RHBDL3: variants seen among roughly 807,000 people sequenced by gnomAD.
RHBDL3 encodes the protein rhomboid-related protein 3.
Under a neutral mutation model 48.2 loss-of-function variants are expected in RHBDL3, and 28 were observed. The observed-to-expected ratio is 0.58, with a 90% CI of 0.43 to 0.80. The LOEUF (loss-of-function observed/expected upper bound fraction) is 0.80, where lower values mean the gene tolerates loss of function less well. Among genes scored for constraint, RHBDL3 ranks in the 30% least tolerant of loss-of-function variants. The pLI is 0.00. For synonymous variants in RHBDL3, 208 were observed against 232.3 expected (o/e 0.90, Z 0.95); for missense variants, 464 against 542.7 (o/e 0.85, Z 1.44).
intron 4 of RHBDL3, among the ~76,000 whole-genome samples, chr17:32,293,432 A>T (rs1310216128): frequency 1.3e-5 from 2 of 152,154 alleles, no homozygotes; most frequent in Non-Finnish European, 1.5e-5. Context: ...AAATTCAAAA[A>T]TCAGCCAGGT....
intron 2 of RHBDL3, among the ~76,000 whole-genome samples, chr17:32,276,620 TGCACCATACTTCAGCCCTA>T (rs2039905009): frequency 1.3e-5 from 2 of 151,986 alleles, no homozygotes; most frequent in South Asian, 4.1e-4. Flanking sequence ...GACAGCTGCC[TGCACCATACTTCAGCCCTA>T]GCACCGTACT....
intron 2 of RHBDL3, among the ~76,000 whole-genome samples, chr17:32,282,524 C>T (rs908932035): frequency 6.6e-6 from 1 of 152,186 alleles, no homozygotes; most frequent in African/African-American, 2.4e-5. Flanking sequence ...TATGATGGCA[C>T]CACTTCACCC....
chr17:32,266,272 AG>A lies in RHBDL3; in HGVS notation c.85del (p.Glu29SerfsTer70). 1 of 1,468,080 alleles carries A rather than the reference AG, an allele frequency of 6.8e-7. No homozygotes were observed. Among genetic ancestry groups the A allele is most frequent in the South Asian group, 1.3e-5 (1 of 77,712 alleles). The allele number at this position is 1,468,080 out of a possible 1,614,324, so 90.9% of individuals were successfully genotyped here. A position where few individuals can be genotyped will look rare whatever the true frequency, so the allele number is the denominator to read the frequency against. The stretch of plus-strand genomic sequence containing the variant: ...ATCGAGGAGCTGGAACCCGAGGCCG[AG>A]GAGCGGCTGCCCGCGGCGCCGGAGG... ...ERIEELEPEA[E>X]ERLPAAPEDH... On this transcript the variant is annotated frameshift_variant, in exon 1 of 9. Transcript: ENST00000269051. LOFTEE classifies it high-confidence loss of function.
intron 7 of RHBDL3, among the ~76,000 whole-genome samples, chr17:32,309,136 T>G (rs2040778946): frequency 6.6e-6 from 1 of 152,106 alleles, no homozygotes. Flanking sequence ...TCGTTCTACC[T>G]AATAGATATA....
At chr17:32,289,643 C>A (rs558865850) in intron 4 of RHBDL3, among the ~76,000 whole-genome samples, 1 of 152,322 alleles carries the variant, frequency 6.6e-6, no homozygotes, top group Admixed American at 6.5e-5. Context: ...ATGCTAAATT[C>A]TACTGCTTAT....
Position 32,321,536 on chromosome 17 carries a change from G to C in RHBDL3, c.*307G>C. ...TCACCTGGGCTGGGCTTCTTCCATGGGGCCAGGGGGTGCCCCCTCACTGCT... is the reference window on the plus strand; with the variant it reads ...TCACCTGGGCTGGGCTTCTTCCATGCGGCCAGGGGGTGCCCCCTCACTGCT... On this transcript the variant is annotated 3_prime_UTR_variant, in exon 9 of 9. Coordinates refer to ENST00000269051, the MANE Select transcript of RHBDL3 (RefSeq NM_138328.3). 1.8e-6 allele frequency: 1 copy of C among 545,856 alleles called. No homozygotes were observed. Among genetic ancestry groups the C allele is most frequent in the South Asian group, 2.0e-5 (1 of 49,692 alleles). The allele number at this position is 545,856 out of a possible 1,614,324, so 33.8% of individuals were successfully genotyped here. A position where few individuals can be genotyped will look rare whatever the true frequency, so the allele number is the denominator to read the frequency against.
chr17:32,281,037 G>C (rs957866662), intron 2 of RHBDL3: 1 of 152,588 alleles, frequency 6.6e-6, no homozygotes, highest in African/African-American at 2.4e-5. Context: ...TCCATCCTCC[G>C]GGCATCCCCA....
chr17:32,276,757 CAGTA>C (rs1274184047), intron 2 of RHBDL3, among the ~76,000 whole-genome samples: 15 of 82,000 alleles, frequency 1.8e-4, no homozygotes, highest in Non-Finnish European at 2.6e-4. Context: ...AGCCCTAGCA[CAGTA>C]CTCCGGCCCT....
At chr17:32,299,592 C>T (rs576479735) in intron 6 of RHBDL3, among the ~76,000 whole-genome samples, 4 of 152,322 alleles carry the variant, frequency 2.6e-5, no homozygotes, top group African/African-American at 7.2e-5. Context: ...ACATTAATAA[C>T]ATTTGCAGTT....
chr17:32,280,897 C>G (rs915966039), intron 2 of RHBDL3: 2 of 153,060 alleles, frequency 1.3e-5, no homozygotes, highest in Admixed American at 1.3e-4. Flanking sequence ...GCCCCATACC[C>G]AATGTCAGCA....
In RHBDL3 at chr17:32,324,450, G is replaced by T. The variant is rs775226607; in HGVS notation, c.*3221G>T. On this transcript the variant is annotated 3_prime_UTR_variant, in exon 9 of 9. Transcript: ENST00000269051. The stretch of plus-strand genomic sequence containing the variant: ...CCTGGCATCATTCATGTTGCTCCCC[G>T]TGCTGGCTGGAAAGCACGGTTCTCC... The T allele has an allele frequency of 6.6e-6, 1 of 152,516 alleles. No individual in the cohort carries two copies. Among genetic ancestry groups the T allele is most frequent in the Non-Finnish European group, 1.5e-5 (1 of 68,016 alleles). The allele number at this position is 152,516 out of a possible 1,614,324, so 9.4% of individuals were successfully genotyped here.
rs1361345486 is a variant in RHBDL3 at position 32,305,419 on chromosome 17, C to T, written c.860C>T (p.Ala287Val). 1.2e-5 allele frequency: 19 copies of T among 1,612,082 alleles called. No individual in the cohort carries two copies. The highest frequency in any genetic ancestry group is 1.5e-5 in the Non-Finnish European group (18 of 1,178,306). ...GGAGGGGTGTATGCTCTCGTCTCTG[C>T]CCATCTGGCCAACATTGTCATGGTG... The part of the protein sequence containing the change: ...SSGGVYALVS[A>V]HLANIVMNWS... Residue 287 changes from alanine (A) to valine (V), a missense_variant, in exon 7 of 9, where the codon GCC becomes GTC. Transcript: ENST00000269051.
chr17:32,317,153 A>T (rs1215978738), intron 8 of RHBDL3, among the ~76,000 whole-genome samples: 1 of 152,098 alleles, frequency 6.6e-6, no homozygotes. Context: ...GATTACAGGC[A>T]TGAGCCACCA....
At chr17:32,282,413 A>G (rs1567767198) in intron 2 of RHBDL3, among the ~76,000 whole-genome samples, 1 of 152,148 alleles carries the variant, frequency 6.6e-6, no homozygotes, top group Non-Finnish European at 1.5e-5. Context: ...CAAAAAATTT[A>G]AAAATTCGCT....
intron 4 of RHBDL3, among the ~76,000 whole-genome samples, chr17:32,293,746 C>A (rs747663277): frequency 6.6e-6 from 1 of 152,042 alleles, no homozygotes; most frequent in Non-Finnish European, 1.5e-5. Flanking sequence ...CTGCTTAGCA[C>A]GGAGGAAGTG....
rs1483191326 is a variant in RHBDL3 at position 32,322,331 on chromosome 17, GC to G, written c.*1106del. ...CCCATCTCCTGTCCCTTCCACACCT[GC>G]CCCTGAGCATCACTGACCGGTGGCA... On this transcript the variant is annotated 3_prime_UTR_variant, in exon 9 of 9. Transcript: ENST00000269051. The G allele has an allele frequency of 6.6e-6, 1 of 152,476 alleles. No individual in the cohort carries two copies. Among genetic ancestry groups the G allele is most frequent in the African/African-American group, 2.4e-5 (1 of 41,432 alleles). The allele number at this position is 152,476 out of a possible 1,614,324, so 9.4% of individuals were successfully genotyped here.
chr17:32,281,748 CG>C (rs2040055510), intron 2 of RHBDL3, among the ~76,000 whole-genome samples: 2 of 152,162 alleles, frequency 1.3e-5, no homozygotes, highest in African/African-American at 4.8e-5. Context: ...TGTTGCTGTC[CG>C]GGGCTGTTTC....
At position 32,279,256 on chromosome 17, in the gene RHBDL3, C is replaced by A. The variant is rs190098127; in HGVS notation, c.136-5403C>A. Among the ~76,000 whole-genome samples the A allele has an allele frequency of 2.9e-3, 442 of 152,288 alleles. 1 individual carries two copies. The highest frequency in any genetic ancestry group is 3.5e-3 in the Non-Finnish European group (236 of 68,016). ...GGGTGCCTGATACATAGCAAACTTT[C>A]CACACATATCAGCCCTTATCGTGTT... On this transcript the variant is annotated intron_variant, in intron 2 of 8. Coordinates refer to ENST00000269051, the MANE Select transcript of RHBDL3 (RefSeq NM_138328.3).
chr17:32,299,417 A>C (rs1423403971), intron 6 of RHBDL3, among the ~76,000 whole-genome samples: 1 of 152,130 alleles, frequency 6.6e-6, no homozygotes, highest in Non-Finnish European at 1.5e-5. Context: ...CCCAGAATCC[A>C]AGGCTCACCA....
Sources: gnomAD v4.1 joint callset for allele counts (sites outside exome capture counted in the v4.1 genomes callset) on GRCh38, gnomAD v4.1.1 for gene constraint, MANE v1.5 for transcripts, NCBI Gene and HGNC (gene_info 2026-07-23, HGNC 2026-07-21) for gene names.